The following GSPT1 variants were observed in gnomAD, a reference collection of about 807,000 sequenced individuals.
GSPT1 encodes the protein G1 to S phase transition 1.
A neutral mutation model predicts 72.5 loss-of-function variants in GSPT1; 20 were observed. The ratio of observed to expected loss-of-function variants is 0.28; its 90% CI spans 0.19 to 0.40. The LOEUF (loss-of-function observed/expected upper bound fraction) is 0.40. GSPT1 is among the 10% of genes least tolerant of loss of function. The pLI, the probability that GSPT1 is intolerant of heterozygous loss-of-function variation, is 1.00. For missense variants in GSPT1, 580 were observed against 811.9 expected, an observed-to-expected ratio of 0.71 and a Z score of 3.47; for synonymous variants, 334 against 293.5, an observed-to-expected ratio of 1.14 and a Z score of -1.41.
At chr16:11,909,267 T>C (rs971470998) in intron 1 of GSPT1, among the ~76,000 whole-genome samples, 1 of 152,162 alleles carries the variant, frequency 6.6e-6, no homozygotes, top group African/African-American at 2.4e-5. Context: ...ACAACTAGGT[T>C]TCCTTAGAAC....
At chr16:11,900,238 C>A (rs995213921) in intron 1 of GSPT1, among the ~76,000 whole-genome samples, 11 of 151,126 alleles carry the variant, frequency 7.3e-5, no homozygotes. Flanking sequence ...GAGGCCAAGG[C>A]AGGAGAATCG....
At chr16:11,901,418 T>C (rs2054404505) in intron 1 of GSPT1, among the ~76,000 whole-genome samples, 1 of 152,124 alleles carries the variant, frequency 6.6e-6, no homozygotes, top group African/African-American at 2.4e-5. Context: ...AGGAATGAAA[T>C]TACAGTTTCA....
At chr16:11,887,029 T>G in intron 7 of GSPT1, 98 bp from the exon 8 acceptor site, 1 of 995,844 alleles carries the variant, frequency 1.0e-6, no homozygotes, top group Non-Finnish European at 1.5e-6. Context: ...GAGTTTTTTT[T>G]TTTTTTTTTG....
intron 5 of GSPT1, among the ~76,000 whole-genome samples, chr16:11,892,994 C>G (rs1441738682): frequency 6.6e-6 from 1 of 151,966 alleles, no homozygotes; most frequent in Non-Finnish European, 1.5e-5. Flanking sequence ...AACATCAGGG[C>G]AGGATGAATG....
At chr16:11,885,116 G>A in intron 10 of GSPT1, 65 bp downstream of exon 10, 1 of 778,992 alleles carries the variant, frequency 1.3e-6, no homozygotes, top group East Asian at 2.5e-5. Flanking sequence ...TTCAAAACTA[G>A]AAACAAAATG....
chr16:11,913,272 T>A (rs962273124), intron 1 of GSPT1, among the ~76,000 whole-genome samples: 2 of 152,216 alleles, frequency 1.3e-5, no homozygotes, highest in Admixed American at 6.5e-5. Flanking sequence ...CTTTTCCAAA[T>A]AGACATCCTA....
rs1385090789 is a variant in GSPT1, at chr16:11,868,439, G to A, written c.*4680C>T. 6.6e-6 allele frequency: 1 copy of A among 150,980 alleles called. No individual in the cohort carries two copies. Among genetic ancestry groups the A allele is most frequent in the African/African-American group, 2.4e-5 (1 of 40,962 alleles). The allele number at this position is 150,980 out of a possible 1,614,324, so 9.4% of individuals were successfully genotyped here. On this transcript the variant is annotated 3_prime_UTR_variant, in exon 15 of 15. Transcript: ENST00000434724. ...AACTAGTCACTAAGTCCTGGCCTGAGAGATACCCACATTTCCTTTAGAACA... is the reference window on the plus strand; with the variant it reads ...AACTAGTCACTAAGTCCTGGCCTGAAAGATACCCACATTTCCTTTAGAACA...
intron 11 of GSPT1, chr16:11,880,962 G>T (rs1472870554): frequency 1.3e-5 from 2 of 152,442 alleles, no homozygotes; most frequent in East Asian, 3.8e-4. Flanking sequence ...GCAGTGGCGT[G>T]ATCTCAGCTC....
intron 14 of GSPT1, among the ~76,000 whole-genome samples, chr16:11,874,016 C>A (rs2054008902): frequency 1.3e-5 from 2 of 152,172 alleles, no homozygotes; most frequent in African/African-American, 4.8e-5. Context: ...CTCAAAATCA[C>A]ACTAAGTAAA....
chr16:11,895,786 C>T (rs1471158335), intron 4 of GSPT1, among the ~76,000 whole-genome samples: 2 of 152,164 alleles, frequency 1.3e-5, no homozygotes, highest in Non-Finnish European at 2.9e-5. Flanking sequence ...GCCACCACAC[C>T]TGGCTAATTT....
At chr16:11,878,478 C>T (rs1405199218) in intron 11 of GSPT1, among the ~76,000 whole-genome samples, 5 of 151,888 alleles carry the variant, frequency 3.3e-5, no homozygotes, top group East Asian at 1.9e-4. Context: ...CCTTTAGCCC[C>T]GCTACTTGGA....
chr16:11,889,143 C>T (rs2054221606), intron 6 of GSPT1, among the ~76,000 whole-genome samples: 1 of 151,676 alleles, frequency 6.6e-6, no homozygotes, highest in African/African-American at 2.4e-5. Flanking sequence ...CCTGTCTCTA[C>T]TAAAAATACA....
intron 9 of GSPT1, among the ~76,000 whole-genome samples, 159 bp from the exon 10 acceptor site, chr16:11,885,433 A>T (rs1392924581): frequency 6.6e-6 from 1 of 152,226 alleles, no homozygotes; most frequent in Non-Finnish European, 1.5e-5. Flanking sequence ...TATTCCACAG[A>T]AAACTATTAT....
chr16:11,911,729 T>A (rs932554189), intron 1 of GSPT1, among the ~76,000 whole-genome samples: 3 of 151,698 alleles, frequency 2.0e-5, no homozygotes, highest in Non-Finnish European at 4.4e-5. Flanking sequence ...ATTTTTATAT[T>A]TTTAATAGAG....
In GSPT1 at chr16:11,868,227, C is replaced by G. The variant is rs1012011154; in HGVS notation, c.*4892G>C. ...GCAGACTAAGGGCTTAATCCTCACA[C>G]AGGCACCAAGTCAGGCACAGTAGGT... On this transcript the variant is annotated 3_prime_UTR_variant, in exon 15 of 15. Transcript: ENST00000434724. 1.3e-5 allele frequency: 2 copies of G among 152,164 alleles called. No individual in the cohort carries two copies. Among genetic ancestry groups the G allele is most frequent in the African/African-American group, 2.4e-5 (1 of 41,442 alleles). The allele number at this position is 152,164 out of a possible 1,614,324, so 9.4% of individuals were successfully genotyped here.
intron 1 of GSPT1, among the ~76,000 whole-genome samples, chr16:11,905,033 A>C (rs1280768513): frequency 6.6e-6 from 1 of 152,216 alleles, no homozygotes. Flanking sequence ...ACACCACTGC[A>C]CTCCAGCCTG....
At chr16:11,878,915 GA>G (rs950726266) in intron 11 of GSPT1, among the ~76,000 whole-genome samples, 5 of 150,408 alleles carry the variant, frequency 3.3e-5, no homozygotes, top group African/African-American at 9.8e-5. Context: ...AAATACAAAA[GA>G]AAAAAAACAA....
intron 6 of GSPT1, among the ~76,000 whole-genome samples, chr16:11,889,269 C>T (rs1184179477): frequency 6.7e-6 from 1 of 149,964 alleles, no homozygotes; most frequent in Non-Finnish European, 1.5e-5. Context: ...GATGGAGCCA[C>T]TACACTCCAG....
Position 11,915,657 on chromosome 16 carries a change from T to G in GSPT1, c.64A>C (p.Ser22Arg). 1 of 1,485,690 alleles carries G rather than the reference T, an allele frequency of 6.7e-7. No individual in the cohort carries two copies. Among genetic ancestry groups the G allele is most frequent in the Non-Finnish European group, 8.9e-7 (1 of 1,123,018 alleles). The allele number at this position is 1,485,690 out of a possible 1,614,324, so 92.0% of individuals were successfully genotyped here. A position where few individuals can be genotyped will look rare whatever the true frequency, so the allele number is the denominator to read the frequency against. ...GGGGGSSSGS[S>R]SSDSAPDCWD... ...CAGTCAGGCGCCGAGTCGCTGCTGC[T>G]GCTGCCGCTGCTGCTCCCGCCGCCG... The change falls in exon 1 of 15, where the codon AGC becomes CGC. Residue 22 changes from serine to arginine, a missense_variant. Transcript: ENST00000434724.
Sources: allele counts gnomAD v4.1 joint callset (sites outside exome capture counted in the v4.1 genomes callset), GRCh38; gene constraint gnomAD v4.1.1; transcripts MANE v1.5; gene names NCBI Gene and HGNC (gene_info 2026-07-23, HGNC 2026-07-21).